EFCAB5: variants seen among roughly 807,000 people sequenced by gnomAD.
EFCAB5 encodes EF-hand calcium binding domain 5.
EFCAB5 carries 131 observed loss-of-function variants against 167.9 expected under a neutral mutation model. The ratio of observed to expected loss-of-function variants is 0.78; its 90% confidence interval spans 0.68 to 0.90. EFCAB5 has a LOEUF of 0.90. EFCAB5 is among the 40% of genes least tolerant of loss of function. The probability of loss-of-function intolerance (pLI) is 0.00; values close to 1 mark genes in which losing one functional copy is unlikely to be tolerated. For missense variants in EFCAB5, 1,663 were observed against 1,745.2 expected (o/e 0.95, Z 0.84); for synonymous variants, 574 against 602.8 (o/e 0.95, Z 0.70).
At chr17:30,056,448 A>G (rs906032159) in intron 12 of EFCAB5, among the ~76,000 whole-genome samples, 1 of 152,212 alleles carries the variant, frequency 6.6e-6, no homozygotes, top group African/African-American at 2.4e-5. Context: ...CTTTAAAGCT[A>G]TGATCTAAGC....
Position 30,059,418 on chromosome 17 carries a change from C to G in EFCAB5, c.2581-127C>G, listed in dbSNP as rs933577842. ...GAATCACTGCATTTTCCCTTAATAT[C>G]ATGCTTAGCCTCAAAGTAAACCTGT... On this transcript the variant is annotated intron_variant, in intron 13 of 22. Transcript: ENST00000394835. The G allele has an allele frequency of 1.6e-5, 17 of 1,040,692 alleles. No homozygotes were observed. In the African/African-American group the frequency reaches 2.5e-4, roughly 16 times the overall value. 64.5% of individuals were successfully genotyped at this position (1,040,692 alleles called of 1,614,324 possible).
upstream of EFCAB5, among the ~76,000 whole-genome samples, chr17:29,936,880 G>A (rs1442567721): frequency 1.3e-5 from 2 of 152,224 alleles, no homozygotes; most frequent in Non-Finnish European, 2.9e-5. Context: ...GAGAAATGAT[G>A]TAGCCCTGAG....
intron 3 of EFCAB5, among the ~76,000 whole-genome samples, chr17:29,962,788 CT>C (rs1333543035): frequency 1.3e-5 from 2 of 151,838 alleles, no homozygotes; most frequent in South Asian, 2.1e-4. Flanking sequence ...ATTTGGATGC[CT>C]TTTGTTTGTT....
upstream of EFCAB5, among the ~76,000 whole-genome samples, chr17:29,939,129 GAAC>G (rs1410179358): frequency 3.9e-5 from 6 of 152,160 alleles, no homozygotes; most frequent in Admixed American, 1.3e-4. Flanking sequence ...ACAGGCGTGG[GAAC>G]AACATTAATT....
intron 4 of EFCAB5, among the ~76,000 whole-genome samples, chr17:29,978,885 T>G (rs1237796540): frequency 3.3e-5 from 5 of 152,170 alleles, no homozygotes; most frequent in Non-Finnish European, 1.5e-5. Flanking sequence ...ATTGCTTTGG[T>G]TTTTACATCC....
At chr17:30,011,347 T>C (rs199566119) in intron 7 of EFCAB5, among the ~76,000 whole-genome samples, 1 of 152,124 alleles carries the variant, frequency 6.6e-6, no homozygotes, top group Non-Finnish European at 1.5e-5. Context: ...TGAAGAAAGT[T>C]ATTGGTAGCT....
intron 14 of EFCAB5, among the ~76,000 whole-genome samples, chr17:30,072,667 G>A (rs1367586356): frequency 6.6e-6 from 1 of 152,088 alleles, no homozygotes; most frequent in Non-Finnish European, 1.5e-5. Context: ...TTAAATTCAG[G>A]TTATTCATCT....
At chr17:29,957,734 G>A (rs1237434744) in intron 3 of EFCAB5, among the ~76,000 whole-genome samples, 1 of 152,148 alleles carries the variant, frequency 6.6e-6, no homozygotes, top group Non-Finnish European at 1.5e-5. Flanking sequence ...TATCATTGAT[G>A]AGTATTTGGG....
At chr17:30,077,819 A>G (rs557253446) in intron 14 of EFCAB5, among the ~76,000 whole-genome samples, 1 of 152,368 alleles carries the variant, frequency 6.6e-6, no homozygotes, top group African/African-American at 2.4e-5. Flanking sequence ...TGTTAAGTCA[A>G]TTACAAAGTG....
chr17:30,031,717 TC>T (rs1374519806), intron 7 of EFCAB5: 1 of 152,176 alleles, frequency 6.6e-6, no homozygotes, highest in Non-Finnish European at 1.5e-5. Flanking sequence ...TGTGCATTGA[TC>T]CATCAAGAAT....
intron 22 of EFCAB5, among the ~76,000 whole-genome samples, chr17:30,103,174 C>T (rs2071403473): frequency 1.3e-5 from 2 of 150,112 alleles, no homozygotes; most frequent in African/African-American, 4.9e-5. Flanking sequence ...TTGTTAATTT[C>T]TATTTTTTGT....
In EFCAB5 at chr17:30,053,586, AGAACCAG is replaced by A; in HGVS notation, c.1637_1643del (p.Pro546HisfsTer7). Reference sequence around the variant, plus strand: ...AAGAACTGTACATAGAATCAGTAATAGAACCAGGAACACACACAGAGTCAACTCTAGA... The same window carrying A: ...AAGAACTGTACATAGAATCAGTAATAGAACACACACAGAGTCAACTCTAGA... On this transcript the variant is annotated frameshift_variant, in exon 10 of 23. Coordinates refer to ENST00000394835, the MANE Select transcript of EFCAB5 (RefSeq NM_198529.4). LOFTEE classifies it high-confidence loss of function. 1 of 1,614,022 alleles carries A rather than the reference AGAACCAG, an allele frequency of 6.2e-7. No individual in the cohort carries two copies. Among genetic ancestry groups the A allele is most frequent in the Non-Finnish European group, 8.5e-7 (1 of 1,179,886 alleles).
chr17:30,078,250 G>C lies in EFCAB5; in HGVS notation c.2773G>C (p.Gly925Arg). ...LHIQFPKPHP[G>R]HEVRLSSKQF... ...CATCCAATTTCCAAAGCCACACCCT[G>C]GTCACGAAGTGAGATTGTCTTCAAA... The change falls in exon 15 of 23, where the codon GGT (glycine) becomes CGT (arginine). Residue 925 changes from glycine (G) to arginine (R), a missense_variant. Transcript: ENST00000394835. The C allele has an allele frequency of 6.2e-7, 1 of 1,613,642 alleles. No homozygotes were observed. Among genetic ancestry groups the C allele is most frequent in the South Asian group, 1.1e-5 (1 of 91,046 alleles).
In EFCAB5 at chr17:30,094,120, C is replaced by T. The variant is rs992959489; in HGVS notation, c.4321+1184C>T. On this transcript the variant is annotated intron_variant, in intron 22 of 22. Transcript: ENST00000394835. The stretch of plus-strand genomic sequence containing the variant: ...ATATAGCATAGCTCCTAACCCACCA[C>T]GCCTTCCAAACTATTATTTTACCAA... 3.3e-5 allele frequency among the ~76,000 whole-genome samples: 5 copies of T among 152,256 alleles called. No homozygotes were observed. In the East Asian group the frequency reaches 7.7e-4, roughly 24 times the overall value.
chr17:29,959,105 C>T (rs540371635), intron 3 of EFCAB5, among the ~76,000 whole-genome samples: 2 of 152,246 alleles, frequency 1.3e-5, no homozygotes, highest in African/African-American at 2.4e-5. Context: ...AACCTGAAGC[C>T]GGCACAGTAC....
chr17:30,100,954 G>T (rs775788845), intron 22 of EFCAB5, among the ~76,000 whole-genome samples: 6 of 152,200 alleles, frequency 3.9e-5, no homozygotes, highest in Non-Finnish European at 8.8e-5. Flanking sequence ...TTTTCAAATA[G>T]CAACAAGGAG....
rs1366899152 is a variant in EFCAB5, at chr17:29,968,882, T to C, written c.282T>C (p.Ser94=). The C allele has an allele frequency of 2.6e-6, 4 of 1,564,964 alleles. No individual in the cohort carries two copies. In the South Asian group the frequency reaches 3.5e-5, roughly 14 times the overall value. ...EASGNIAIRK[S]AKVIFALDET... ...CAGGTAATATTGCAATTAGAAAATCTGCAAAAGTGATTTTTGCTTTAGATG... is the reference window on the plus strand; with the variant it reads ...CAGGTAATATTGCAATTAGAAAATCCGCAAAAGTGATTTTTGCTTTAGATG... The change falls in exon 4 of 23, where the codon TCT becomes TCC. Residue 94 remains serine, a synonymous_variant. Coordinates refer to ENST00000394835, the MANE Select transcript of EFCAB5 (RefSeq NM_198529.4).
At chr17:29,963,285 G>A (rs544291457) in intron 3 of EFCAB5, among the ~76,000 whole-genome samples, 1 of 152,192 alleles carries the variant, frequency 6.6e-6, no homozygotes, top group Non-Finnish European at 1.5e-5. Context: ...TTTTAGGAAT[G>A]TTCTCTCCAT....
intron 3 of EFCAB5, among the ~76,000 whole-genome samples, chr17:29,961,580 G>A (rs1056997817): frequency 1.3e-5 from 2 of 151,928 alleles, no homozygotes; most frequent in Non-Finnish European, 2.9e-5. Flanking sequence ...TCTAAGAGTT[G>A]TATGGTTTTG....
Sources: gnomAD v4.1 joint callset for allele counts (sites outside exome capture counted in the v4.1 genomes callset) on GRCh38, gnomAD v4.1.1 for gene constraint, MANE v1.5 for transcripts, NCBI Gene and HGNC (gene_info 2026-07-23, HGNC 2026-07-21) for gene names.